Variants in PACRG observed in about 807,000 individuals in gnomAD.
PACRG encodes the protein parkin coregulated.
Under a neutral mutation model 29.7 loss-of-function variants are expected in PACRG, and 29 were observed. That is an observed-to-expected ratio of 0.98 (90% CI 0.73 to 1.33). PACRG has a LOEUF of 1.33. PACRG is among the 40% of genes most tolerant of loss of function. The pLI is 0.00. For synonymous variants in PACRG, 116 were observed against 118.7 expected (o/e 0.98, Z 0.15); for missense variants, 279 against 316.2 (o/e 0.88, Z 0.89).
At chr6:162,979,982 T>A (rs1802271468) in intron 2 of PACRG, among the ~76,000 whole-genome samples, 1 of 151,816 alleles carries the variant, frequency 6.6e-6, no homozygotes, top group African/African-American at 2.4e-5. Context: ...CAGAAATGAA[T>A]ACTAAACTGC....
rs1245526404 is a variant in PACRG at position 162,822,169 on chromosome 6, A to G, written c.291+7888A>G. Among the ~76,000 whole-genome samples, 3 of 152,188 alleles carry G rather than the reference A, an allele frequency of 2.0e-5. No individual in the cohort carries two copies. In the East Asian group the frequency reaches 5.8e-4, roughly 29 times the overall value. On this transcript the variant is annotated intron_variant, in intron 2 of 4. Coordinates refer to ENST00000366888, the MANE Select transcript of PACRG (RefSeq NM_001080379.2). ...AATTCTAATAGTTTTTTCCAGTTTA[A>G]TGACAACGAAAAAGACAATCATCTT... is the stretch of plus-strand genomic sequence containing the variant.
intron 4 of PACRG, among the ~76,000 whole-genome samples, chr6:163,299,248 G>A (rs866739700): frequency 1.3e-5 from 2 of 152,140 alleles, no homozygotes; most frequent in African/African-American, 4.8e-5. Flanking sequence ...TTTATCCTCC[G>A]ACTGGGAAGC....
At chr6:162,771,794 G>A (rs1304670671) in intron 1 of PACRG, among the ~76,000 whole-genome samples, 3 of 152,096 alleles carry the variant, frequency 2.0e-5, no homozygotes, top group South Asian at 2.1e-4. Context: ...TAAGAAAAGT[G>A]TATTCCATTT....
chr6:163,062,763 A>G (rs1811203216), intron 3 of PACRG, among the ~76,000 whole-genome samples: 1 of 152,210 alleles, frequency 6.6e-6, no homozygotes, highest in Non-Finnish European at 1.5e-5. Flanking sequence ...GAAAAGAAGA[A>G]TGTTTTTAAA....
intron 4 of PACRG, among the ~76,000 whole-genome samples, chr6:163,248,431 C>CAAAAAAAA (rs199676766): frequency 8.2e-5 from 9 of 109,690 alleles, no homozygotes; most frequent in African/African-American, 2.7e-4. Context: ...ATATTTTATG[C>CAAAAAAAA]AAAAAAAAAA....
At chr6:163,035,054 A>T (rs1276612626) in intron 2 of PACRG, among the ~76,000 whole-genome samples, 1 of 152,084 alleles carries the variant, frequency 6.6e-6, no homozygotes, top group Admixed American at 6.6e-5. Context: ...GTAAACTGTC[A>T]TGGTGCTGGT....
At chr6:163,170,518 G>A (rs1180263018) in intron 4 of PACRG, 4 of 152,088 alleles carry the variant, frequency 2.6e-5, no homozygotes, top group East Asian at 1.9e-4. Context: ...CTGGGGTCAG[G>A]ACCGCCCCTA....
intron 2 of PACRG, among the ~76,000 whole-genome samples, chr6:162,844,809 A>AAG (rs1414575865): frequency 6.6e-6 from 1 of 152,038 alleles, no homozygotes; most frequent in African/African-American, 2.4e-5. Context: ...TATTTCTTAT[A>AAG]TTTTCTCCAG....
chr6:162,960,957 G>A (rs977581159), intron 2 of PACRG, among the ~76,000 whole-genome samples: 5 of 64,492 alleles, frequency 7.8e-5, no homozygotes, highest in South Asian at 7.1e-4. Flanking sequence ...ACTGTAATGC[G>A]TTAACCTGGT....
At position 163,240,467 on chromosome 6, in the gene PACRG, T is replaced by TG. The variant is rs201119832; in HGVS notation, c.614-74358dup. Reference sequence around the variant, plus strand: ...TAAAGCTGCTTTTGGTGTTGAGTGTTGGAGTCTGTGAGTACAGGGTGAGGT... The same window carrying TG: ...TAAAGCTGCTTTTGGTGTTGAGTGTTGGGAGTCTGTGAGTACAGGGTGAGGT... On this transcript the variant is annotated intron_variant, in intron 4 of 4. Transcript: ENST00000366888. Among the ~76,000 whole-genome samples the TG allele has an allele frequency of 3.8e-3, 581 of 152,250 alleles. 6 individuals are homozygous for TG. Among genetic ancestry groups the TG allele is most frequent in the African/African-American group, 0.013 (547 of 41,550 alleles).
At chr6:163,078,498 A>G (rs1255812318) in intron 3 of PACRG, among the ~76,000 whole-genome samples, 2 of 149,646 alleles carry the variant, frequency 1.3e-5, no homozygotes, top group Non-Finnish European at 3.0e-5. Context: ...TAGTCTCAAA[A>G]AAAAAGGGGG....
At chr6:162,727,277 G>GAGGTGAGGGGCGA (rs1309206255), upstream of PACRG, 33 of 228,532 alleles carry the variant, frequency 1.4e-4, no homozygotes, top group African/African-American at 2.4e-4. Flanking sequence ...ACCGGCCAGT[G>GAGGTGAGGGGCGA]AGGTGAGGGG....
At chr6:162,914,693 G>A (rs892143120) in intron 2 of PACRG, among the ~76,000 whole-genome samples, 1 of 150,266 alleles carries the variant, frequency 6.7e-6, no homozygotes, top group Admixed American at 6.6e-5. Flanking sequence ...CCATGATTCT[G>A]GCATATCTTT....
chr6:163,245,900 C>T (rs2128170207), intron 4 of PACRG, among the ~76,000 whole-genome samples: 1 of 152,282 alleles, frequency 6.6e-6, no homozygotes. Flanking sequence ...AGTCCTCATT[C>T]CTTCACCTTT....
chr6:162,762,886 T>C (rs769395118), intron 1 of PACRG, among the ~76,000 whole-genome samples: 2 of 152,246 alleles, frequency 1.3e-5, no homozygotes, highest in Non-Finnish European at 2.9e-5. Context: ...GTATTTATAC[T>C]AGTTTACCAT....
intron 3 of PACRG, among the ~76,000 whole-genome samples, chr6:163,071,905 A>G (rs768448790): frequency 6.6e-6 from 1 of 152,020 alleles, no homozygotes; most frequent in Non-Finnish European, 1.5e-5. Context: ...ACCCAAATAG[A>G]CCAATAACAA....
intron 2 of PACRG, among the ~76,000 whole-genome samples, chr6:162,964,731 A>T (rs1800891053): frequency 6.6e-6 from 1 of 152,220 alleles, no homozygotes; most frequent in Non-Finnish European, 1.5e-5. Flanking sequence ...ATAAGGAATG[A>T]GCAAAGAGAA....
At chr6:162,778,874 TA>T (rs1175698587) in intron 1 of PACRG, among the ~76,000 whole-genome samples, 2 of 152,234 alleles carry the variant, frequency 1.3e-5, no homozygotes, top group East Asian at 3.8e-4. Flanking sequence ...TATTTTTATT[TA>T]TCAACTTTTA....
chr6:163,201,923 G>A (rs968853227), intron 4 of PACRG, among the ~76,000 whole-genome samples: 3 of 152,276 alleles, frequency 2.0e-5, no homozygotes, highest in Middle Eastern at 3.4e-3. Context: ...CAACCTCGAC[G>A]TTAGATTTGG....
Sources: gnomAD v4.1 joint callset for allele counts (sites outside exome capture counted in the v4.1 genomes callset) on GRCh38, gnomAD v4.1.1 for gene constraint, MANE v1.5 for transcripts, NCBI Gene and HGNC (gene_info 2026-07-23, HGNC 2026-07-21) for gene names.